The following SPAG17 variants were observed in gnomAD, a reference collection of about 807,000 sequenced individuals.
SPAG17 encodes the protein sperm associated antigen 17.
Under a neutral mutation model 273.6 loss-of-function variants are expected in SPAG17, and 169 were observed. The ratio of observed to expected loss-of-function variants is 0.62; its 90% CI spans 0.55 to 0.70. SPAG17 has a LOEUF of 0.70. Ranked by LOEUF, SPAG17 falls within the 30% of genes least tolerant of loss-of-function variation. The pLI, the probability that SPAG17 is intolerant of heterozygous loss-of-function variation, is 0.00. For synonymous variants in SPAG17, 825 were observed against 873.2 expected (o/e 0.94, Z 0.97); for missense variants, 2,557 against 2,627.8 (o/e 0.97, Z 0.59).
At position 117,983,899 on chromosome 1, in the gene SPAG17, G is replaced by A. The variant is rs1656110687; in HGVS notation, c.5784C>T (p.Asp1928=). The change falls in exon 42 of 49, where the codon GAC becomes GAT. Residue 1928 remains aspartate (D), a synonymous_variant. Coordinates refer to ENST00000336338, the MANE Select transcript of SPAG17 (RefSeq NM_206996.4). The stretch of plus-strand genomic sequence containing the variant: ...AAGAAGGCAGTTTTTTGGAAAGACT[G>A]TCCAGGTGATTATACTGAAAGGAAA... ...QLYQSQYNHL[D]SLSKKLPSFT... The A allele has an allele frequency of 6.2e-7, 1 of 1,607,128 alleles. No homozygotes were observed. The highest frequency in any genetic ancestry group is 2.2e-5 in the East Asian group (1 of 44,786).
intron 5 of SPAG17, 70 bp downstream of exon 5, chr1:118,101,670 A>T: frequency 1.4e-6 from 2 of 1,459,436 alleles, no homozygotes; most frequent in Non-Finnish European, 1.9e-6. Flanking sequence ...TCACCAAATT[A>T]ACTGGTCTCA....
chr1:118,054,743 G>A (rs1651462832), intron 19 of SPAG17, among the ~76,000 whole-genome samples: 1 of 151,498 alleles, frequency 6.6e-6, no homozygotes, highest in East Asian at 1.9e-4. Context: ...CTTTTTTTGG[G>A]GGGTACTTAA....
intron 40 of SPAG17, among the ~76,000 whole-genome samples, chr1:117,986,708 C>G (rs531779932): frequency 5.9e-5 from 9 of 152,240 alleles, no homozygotes; most frequent in African/African-American, 2.2e-4. Flanking sequence ...CTTGGAGAAG[C>G]CTTTAGGGAT....
intron 43 of SPAG17, among the ~76,000 whole-genome samples, chr1:117,979,172 T>A (rs1301081141): frequency 1.3e-5 from 2 of 152,124 alleles, no homozygotes; most frequent in Admixed American, 1.3e-4. Context: ...CCTGGCCTAC[T>A]GGCGTCTTCT....
rs141500778 is a variant in SPAG17, at chr1:118,185,075, T to C, written c.83A>G (p.Asn28Ser). The C allele has an allele frequency of 1.1e-4, 178 of 1,613,938 alleles. No individual in the cohort carries two copies. In the African/African-American group the frequency reaches 1.9e-3, roughly 17 times the overall value. ...CTTAAAGGGCTCAAGGCTCACCTGA[T>C]TGAACTGTGCAGCTATGAGCGAGGG... is the stretch of plus-strand genomic sequence containing the variant. ...WEPSLIAAQF[N>S]QNDWQASIAF... The change falls in exon 1 of 49, where the codon AAT (asparagine) becomes AGT (serine). Residue 28 changes from asparagine to serine, a missense_variant. Coordinates refer to ENST00000336338, the MANE Select transcript of SPAG17 (RefSeq NM_206996.4).
chr1:118,015,674 G>T (rs1443809365), intron 29 of SPAG17, among the ~76,000 whole-genome samples: 1 of 152,134 alleles, frequency 6.6e-6, no homozygotes, highest in Non-Finnish European at 1.5e-5. Flanking sequence ...AAATGGCATA[G>T]AGAACTCATG....
At chr1:118,094,502 T>A (rs1272265863) in intron 7 of SPAG17, among the ~76,000 whole-genome samples, 1 of 152,204 alleles carries the variant, frequency 6.6e-6, no homozygotes, top group Non-Finnish European at 1.5e-5. Flanking sequence ...AGCCAAAGGT[T>A]GGAAAGGTTG....
At chr1:117,993,618 T>C (rs1297657099) in intron 35 of SPAG17, among the ~76,000 whole-genome samples, 1 of 152,168 alleles carries the variant, frequency 6.6e-6, no homozygotes, top group African/African-American at 2.4e-5. Context: ...ATTGTAATCT[T>C]AAATGTTCAT....
At chr1:118,138,820 T>TAA (rs1270057664) in intron 3 of SPAG17, among the ~76,000 whole-genome samples, 1 of 152,170 alleles carries the variant, frequency 6.6e-6, no homozygotes, top group African/African-American at 2.4e-5. Context: ...CTACAATACT[T>TAA]ACTATGTATC....
At chr1:118,136,108 A>C (rs1337216868) in intron 3 of SPAG17, among the ~76,000 whole-genome samples, 1 of 152,162 alleles carries the variant, frequency 6.6e-6, no homozygotes, top group Non-Finnish European at 1.5e-5. Flanking sequence ...ACATACTGTG[A>C]AAGTATTTTG....
rs770592535 is a variant in SPAG17 at position 118,101,779 on chromosome 1, T to C, written c.595A>G (p.Lys199Glu). The C allele has an allele frequency of 6.2e-7, 1 of 1,614,002 alleles. No individual in the cohort carries two copies. Among genetic ancestry groups the C allele is most frequent in the Admixed American group, 1.7e-5 (1 of 59,986 alleles). The change falls in exon 5 of 49, where the codon AAG (lysine) becomes GAG (glutamate). Residue 199 changes from lysine to glutamate, a missense_variant. By Grantham distance (56) the Lys-to-Glu change is moderately conservative. Coordinates refer to ENST00000336338, the MANE Select transcript of SPAG17 (RefSeq NM_206996.4). ...NAPVKKTTQLKRRGEDDHTNR... is the reference protein window; with the variant it reads ...NAPVKKTTQLERRGEDDHTNR... The stretch of plus-strand genomic sequence containing the variant: ...GTGTGGTCGTCTTCTCCTCTCCGCT[T>C]TAACTGGGTGGTCTTTTTCACTGGT...
intron 32 of SPAG17, 49 bp from the exon 33 acceptor site, chr1:117,996,792 C>T (rs1338651184): frequency 1.3e-6 from 2 of 1,516,926 alleles, no homozygotes; most frequent in Non-Finnish European, 1.8e-6. Flanking sequence ...AGTCATAATG[C>T]TTAAACTTCT....
chr1:118,100,099 T>C (rs1655966211), intron 5 of SPAG17, among the ~76,000 whole-genome samples: 1 of 152,264 alleles, frequency 6.6e-6, no homozygotes, highest in Non-Finnish European at 1.5e-5. Flanking sequence ...TGGGTTTTTG[T>C]TAAGAGTTTA....
chr1:118,033,405 A>G (rs1479469742), intron 24 of SPAG17, among the ~76,000 whole-genome samples: 2 of 152,130 alleles, frequency 1.3e-5, no homozygotes, highest in Non-Finnish European at 2.9e-5. Context: ...TTTTTGACTC[A>G]TCCTACACAT....
At chr1:118,068,144 T>A (rs1460906530) in intron 17 of SPAG17, among the ~76,000 whole-genome samples, 1 of 150,094 alleles carries the variant, frequency 6.7e-6, no homozygotes, top group African/African-American at 2.4e-5. Context: ...TGGAGTGATA[T>A]ATATATAATA....
rs548073135 is a variant in SPAG17 at position 118,010,085 on chromosome 1, TG to T, written c.4433-1888del. On this transcript the variant is annotated intron_variant, in intron 30 of 48. Coordinates refer to ENST00000336338, the MANE Select transcript of SPAG17 (RefSeq NM_206996.4). ...GAATGGTAGTTACCAGCCATTGGGG[TG>T]AGGAATTGGGGAGATGTTGGTCAAA... Among the ~76,000 whole-genome samples the T allele has an allele frequency of 1.2e-3, 175 of 151,968 alleles. 2 individuals are homozygous for T. The highest frequency in any genetic ancestry group is 4.0e-3 in the African/African-American group (166 of 41,478).
intron 31 of SPAG17, among the ~76,000 whole-genome samples, chr1:118,006,127 T>C (rs532949240): frequency 6.6e-6 from 1 of 152,328 alleles, no homozygotes; most frequent in African/African-American, 2.4e-5. Context: ...TTACATATCA[T>C]AGATTTACCC....
chr1:118,150,495 C>T, intron 3 of SPAG17, 48 bp downstream of exon 3: 1 of 1,087,292 alleles, frequency 9.2e-7, no homozygotes, highest in Non-Finnish European at 1.3e-6. Flanking sequence ...TACTTCAATT[C>T]TTTTTTCTAA....
chr1:117,992,708 T>A (rs925556773), intron 35 of SPAG17, 60 bp from the exon 36 acceptor site: 2 of 1,321,902 alleles, frequency 1.5e-6, no homozygotes, highest in South Asian at 1.8e-5. Context: ...CACATTCAAA[T>A]TTTTTTTAAC....
Sources: gnomAD v4.1 joint callset for allele counts (sites outside exome capture counted in the v4.1 genomes callset) on GRCh38, gnomAD v4.1.1 for gene constraint, MANE v1.5 for transcripts, NCBI Gene and HGNC (gene_info 2026-07-23, HGNC 2026-07-21) for gene names.